The following STXBP5L variants were observed in gnomAD, a reference collection of about 807,000 sequenced individuals.
STXBP5L encodes syntaxin-binding protein 5-like.
In STXBP5L, 65 loss-of-function variants were observed where a neutral mutation model predicts 144.5. The observed-to-expected ratio is 0.45, with a 90% CI of 0.37 to 0.55. The LOEUF (loss-of-function observed/expected upper bound fraction) is 0.55, where lower values mean the gene tolerates loss of function less well. Ranked by LOEUF, STXBP5L falls within the 20% of genes least tolerant of loss-of-function variation. The pLI is 0.00. For missense variants in STXBP5L, 1,298 were observed against 1,405.5 expected (o/e 0.92, Z 1.22); for synonymous variants, 505 against 469.6 (o/e 1.08, Z -0.97).
intron 20 of STXBP5L, among the ~76,000 whole-genome samples, chr3:121,363,829 A>G (rs1276116801): frequency 2.6e-5 from 4 of 151,960 alleles, no homozygotes; most frequent in Non-Finnish European, 4.4e-5. Flanking sequence ...GGAGTTTTCT[A>G]TTCTGCCATC....
intron 3 of STXBP5L, among the ~76,000 whole-genome samples, chr3:120,978,651 C>A (rs1941376521): frequency 7.1e-6 from 1 of 140,446 alleles, no homozygotes; most frequent in Admixed American, 7.2e-5. Flanking sequence ...TTTTTCTGCT[C>A]TGATTTTTCC....
At chr3:121,248,317 G>A (rs1481194461) in intron 14 of STXBP5L, among the ~76,000 whole-genome samples, 2 of 152,132 alleles carry the variant, frequency 1.3e-5, no homozygotes, top group Non-Finnish European at 2.9e-5. Flanking sequence ...GCTGGCCTCG[G>A]CCTCCCAAAG....
At chr3:121,032,471 G>A (rs923094370) in intron 3 of STXBP5L, among the ~76,000 whole-genome samples, 2 of 151,988 alleles carry the variant, frequency 1.3e-5, no homozygotes, top group African/African-American at 4.8e-5. Flanking sequence ...AAAAACCCTA[G>A]AAGAAAACCT....
intron 8 of STXBP5L, among the ~76,000 whole-genome samples, chr3:121,153,237 T>C (rs1233882856): frequency 3.3e-5 from 5 of 151,998 alleles, no homozygotes; most frequent in African/African-American, 1.2e-4. Flanking sequence ...CAAATATTAA[T>C]TCCGGGCCAT....
intron 20 of STXBP5L, among the ~76,000 whole-genome samples, chr3:121,344,768 G>T (rs1397488500): frequency 6.6e-6 from 1 of 151,610 alleles, no homozygotes; most frequent in Non-Finnish European, 1.5e-5. Flanking sequence ...GAAGGAAGAG[G>T]AATTATACTA....
At chr3:121,201,683 C>T (rs1210710479) in intron 9 of STXBP5L, among the ~76,000 whole-genome samples, 1 of 151,672 alleles carries the variant, frequency 6.6e-6, no homozygotes, top group East Asian at 1.9e-4. Flanking sequence ...TTAGTGCTTC[C>T]TTCAGGAGCT....
chr3:121,357,916 T>C (rs986427239), intron 20 of STXBP5L: 4 of 152,202 alleles, frequency 2.6e-5, no homozygotes, highest in African/African-American at 9.6e-5. Context: ...CAAATACCTA[T>C]TTATGAAGTG....
At chr3:121,405,016 A>T (rs921072552) in intron 22 of STXBP5L, among the ~76,000 whole-genome samples, 1 of 152,124 alleles carries the variant, frequency 6.6e-6, no homozygotes. Context: ...GTGTGCTCAC[A>T]TGGCCTTTCC....
intron 3 of STXBP5L, among the ~76,000 whole-genome samples, chr3:121,027,636 C>CT (rs558445443): frequency 1.2e-3 from 182 of 152,050 alleles, no homozygotes; most frequent in South Asian, 2.9e-3. Context: ...CTCCCTGTGT[C>CT]TTTTTTTGTT....
chr3:121,336,030 G>T (rs1047534982), intron 20 of STXBP5L, among the ~76,000 whole-genome samples: 1 of 152,078 alleles, frequency 6.6e-6, no homozygotes, highest in East Asian at 1.9e-4. Flanking sequence ...TCTGACAAAG[G>T]ACTAATATCC....
chr3:121,191,523 ACT>A (rs1183129263), intron 9 of STXBP5L, among the ~76,000 whole-genome samples: 2 of 151,974 alleles, frequency 1.3e-5, no homozygotes, highest in African/African-American at 4.8e-5. Context: ...TCAGAGGGAG[ACT>A]GTGCAAAGGG....
At chr3:121,258,956 T>G (rs764845732) in intron 17 of STXBP5L, 87 bp from the exon 18 acceptor site, 214 of 1,326,044 alleles carry the variant, frequency 1.6e-4, no homozygotes, top group Non-Finnish European at 2.1e-4. Flanking sequence ...TGTATATTTC[T>G]GTAGCATGAT....
At position 121,115,665 on chromosome 3, in the gene STXBP5L, A is replaced by G. The variant is rs574915859; in HGVS notation, c.605+606A>G. ...TTGCATTGCTATAAAGGAATCCCTG[A>G]GACAAGGTAATTTATATAGAAAAGA... On this transcript the variant is annotated intron_variant, in intron 6 of 26. Coordinates refer to ENST00000471454, the MANE Select transcript of STXBP5L (RefSeq NM_001308330.2). Among the ~76,000 whole-genome samples the G allele has an allele frequency of 9.9e-5, 15 of 152,262 alleles. 1 individual carries two copies. In the South Asian group the frequency reaches 1.0e-3, roughly 11 times the overall value.
intron 5 of STXBP5L, among the ~76,000 whole-genome samples, chr3:121,095,430 A>T (rs1202292363): frequency 6.6e-6 from 1 of 152,096 alleles, no homozygotes; most frequent in African/African-American, 2.4e-5. Context: ...CACCAATCAG[A>T]TGTGGATTTG....
chr3:121,105,045 TAAAAA>T, intron 5 of STXBP5L, among the ~76,000 whole-genome samples: 1 of 151,368 alleles, frequency 6.6e-6, no homozygotes. Flanking sequence ...AGAAAAAAAA[TAAAAA>T]CAAATAATCC....
At chr3:121,138,135 A>G (rs1020643673) in intron 7 of STXBP5L, among the ~76,000 whole-genome samples, 3 of 152,134 alleles carry the variant, frequency 2.0e-5, no homozygotes, top group Admixed American at 6.6e-5. Context: ...CTAATAGTAA[A>G]TTATTTGTGA....
chr3:121,221,725 A>T (rs1017014569), intron 10 of STXBP5L, among the ~76,000 whole-genome samples: 3 of 151,964 alleles, frequency 2.0e-5, no homozygotes, highest in African/African-American at 7.2e-5. Flanking sequence ...CTGGTGCAAG[A>T]CTATTACTCA....
chr3:120,978,581 C>T (rs1006156665), intron 3 of STXBP5L, among the ~76,000 whole-genome samples: 1 of 152,210 alleles, frequency 6.6e-6, no homozygotes, highest in Non-Finnish European at 1.5e-5. Context: ...TGTTCTGTTG[C>T]TGGTGAGGAA....
intron 3 of STXBP5L, among the ~76,000 whole-genome samples, chr3:120,963,180 G>A (rs1202104878): frequency 1.3e-5 from 2 of 152,200 alleles, no homozygotes; most frequent in African/African-American, 2.4e-5. Flanking sequence ...TTTGGGCTGA[G>A]GCAATGGGGT....
Sources: gnomAD v4.1 joint callset for allele counts (sites outside exome capture counted in the v4.1 genomes callset) on GRCh38, gnomAD v4.1.1 for gene constraint, MANE v1.5 for transcripts, NCBI Gene and HGNC (gene_info 2026-07-23, HGNC 2026-07-21) for gene names.